The following FAM168B variants were observed in gnomAD, a reference collection of about 807,000 sequenced individuals.
FAM168B encodes the protein myelin-associated neurite-outgrowth inhibitor.
FAM168B carries 19 observed loss-of-function variants against 21.8 expected under a neutral mutation model. That is an observed-to-expected ratio of 0.87 (90% CI 0.61 to 1.28). FAM168B has a LOEUF of 1.28. Ranked by LOEUF, FAM168B falls within the 50% of genes most tolerant of loss-of-function variation. The pLI is 0.00. For synonymous variants in FAM168B, 126 were observed against 104.8 expected (o/e 1.20, Z -1.24); for missense variants, 233 against 263.1 (o/e 0.89, Z 0.79).
intron 1 of FAM168B, among the ~76,000 whole-genome samples, chr2:131,088,297 GA>G (rs1309576328): frequency 6.6e-6 from 1 of 151,878 alleles, no homozygotes; most frequent in African/African-American, 2.4e-5. Flanking sequence ...CAGTTTACAA[GA>G]AACGCAGGAG....
chr2:131,084,028 G>A (rs992259666), intron 1 of FAM168B, among the ~76,000 whole-genome samples: 5 of 149,842 alleles, frequency 3.3e-5, no homozygotes, highest in East Asian at 2.0e-4. Context: ...TCAGCCTCCC[G>A]CATAGCAGGG....
intron 2 of FAM168B, among the ~76,000 whole-genome samples, chr2:131,081,678 C>G (rs1173168334): frequency 6.6e-6 from 1 of 152,122 alleles, no homozygotes; most frequent in East Asian, 1.9e-4. Context: ...CACTCTCATT[C>G]CCTGTCGCAA....
chr2:131,093,150 GGCCGCACAAAGC>G (rs989319987), intron 1 of FAM168B, 52 bp downstream of exon 1: 3 of 150,510 alleles, frequency 2.0e-5, no homozygotes, highest in Admixed American at 1.3e-4. Context: ...GCCCCGAGCC[GGCCGCACAAAGC>G]GCCGCACTTC....
chr2:131,053,364 A>T (rs561635293), intron 5 of FAM168B, among the ~76,000 whole-genome samples: 5 of 152,360 alleles, frequency 3.3e-5, no homozygotes, highest in African/African-American at 1.2e-4. Context: ...CCTTAAGAAC[A>T]TAATTCTGAA....
intron 2 of FAM168B, among the ~76,000 whole-genome samples, chr2:131,077,281 C>T (rs996688751): frequency 4.0e-5 from 6 of 151,308 alleles, no homozygotes; most frequent in Non-Finnish European, 8.8e-5. Flanking sequence ...CCTTACAAAG[C>T]GAAGTGAGCA....
At chr2:131,053,549 G>T (rs1245006853) in intron 5 of FAM168B, among the ~76,000 whole-genome samples, 2 of 152,174 alleles carry the variant, frequency 1.3e-5, no homozygotes, top group East Asian at 3.8e-4. Flanking sequence ...ACAACAATGT[G>T]AATATACTTA....
At chr2:131,082,489 C>A in intron 2 of FAM168B, 88 bp downstream of exon 2, 2 of 872,756 alleles carry the variant, frequency 2.3e-6, no homozygotes, top group South Asian at 1.6e-5. Context: ...CTTTGAGCTG[C>A]GTTTGTCAAT....
At chr2:131,053,118 C>T (rs534073742) in intron 5 of FAM168B, 103 bp from the exon 6 acceptor site, 3 of 1,409,706 alleles carry the variant, frequency 2.1e-6, no homozygotes, top group Non-Finnish European at 2.8e-6. Flanking sequence ...GGAGGGTATA[C>T]AGGAAGAGGG....
intron 3 of FAM168B, among the ~76,000 whole-genome samples, chr2:131,059,775 A>C (rs1692200797): frequency 6.6e-6 from 1 of 152,228 alleles, no homozygotes; most frequent in Non-Finnish European, 1.5e-5. Flanking sequence ...CACTGATTAC[A>C]ATCTCAGTAG....
chr2:131,073,313 G>A (rs1257527655), intron 2 of FAM168B, among the ~76,000 whole-genome samples: 2 of 152,048 alleles, frequency 1.3e-5, no homozygotes, highest in Non-Finnish European at 2.9e-5. Flanking sequence ...GGCTGGTCTC[G>A]AACTCCTGAC....
chr2:131,085,901 TAA>T (rs1693671243), intron 1 of FAM168B, among the ~76,000 whole-genome samples: 1 of 152,234 alleles, frequency 6.6e-6, no homozygotes, highest in South Asian at 2.1e-4. Flanking sequence ...AAAGTAAGGC[TAA>T]ATGAGGCTAC....
intron 3 of FAM168B, among the ~76,000 whole-genome samples, chr2:131,059,178 T>C (rs1040979010): frequency 6.6e-6 from 1 of 152,126 alleles, no homozygotes; most frequent in Non-Finnish European, 1.5e-5. Context: ...TCAGGACAGA[T>C]CCAGCCCTCT....
chr2:131,062,984 G>A (rs1692380381), intron 3 of FAM168B, among the ~76,000 whole-genome samples: 1 of 152,220 alleles, frequency 6.6e-6, no homozygotes, highest in Admixed American at 6.5e-5. Flanking sequence ...AACTTACTCT[G>A]AAATGAAACC....
chr2:131,063,489 T>TA (rs1692405414), intron 3 of FAM168B, among the ~76,000 whole-genome samples: 1 of 152,180 alleles, frequency 6.6e-6, no homozygotes, highest in Admixed American at 6.6e-5. Flanking sequence ...ATTTAAGACT[T>TA]AGTGTGGGGC....
intron 3 of FAM168B, among the ~76,000 whole-genome samples, chr2:131,065,127 A>G (rs557725304): frequency 6.6e-6 from 1 of 152,334 alleles, no homozygotes; most frequent in East Asian, 1.9e-4. Context: ...AAGCAGTGCC[A>G]CTTTACAAAA....
At chr2:131,092,245 C>G (rs189550679) in intron 1 of FAM168B, among the ~76,000 whole-genome samples, 1 of 152,208 alleles carries the variant, frequency 6.6e-6, no homozygotes, top group East Asian at 1.9e-4. Context: ...CCAAAGTAAG[C>G]CTGCTTTGTA....
intron 3 of FAM168B, 130 bp downstream of exon 3, chr2:131,071,725 A>G: frequency 4.0e-6 from 3 of 752,090 alleles, no homozygotes; most frequent in Non-Finnish European, 6.8e-6. Context: ...ACTTATCAAC[A>G]GGCTAACTTA....
chr2:131,086,721 T>C lies in FAM168B; in HGVS notation c.-11-4064A>G, dbSNP rs140648920. On this transcript the variant is annotated intron_variant, in intron 1 of 6. Coordinates refer to ENST00000389915, the MANE Select transcript of FAM168B (RefSeq NM_001009993.4). ...TTGGACAGTGCAAACATATACATAA[T>C]AAGATTAAAAGTATGAATACTTTCT... Among the ~76,000 whole-genome samples the C allele has an allele frequency of 8.4e-3, 1,273 of 152,232 alleles. 19 individuals are homozygous for C. Among genetic ancestry groups the C allele is most frequent in the African/African-American group, 0.028 (1,178 of 41,530 alleles).
chr2:131,067,516 G>C (rs1361259360), intron 3 of FAM168B, among the ~76,000 whole-genome samples: 1 of 152,184 alleles, frequency 6.6e-6, no homozygotes. Flanking sequence ...CAAGATGAGA[G>C]GACTGCTTGT....
Sources: allele counts gnomAD v4.1 joint callset (sites outside exome capture counted in the v4.1 genomes callset), GRCh38; gene constraint gnomAD v4.1.1; transcripts MANE v1.5; gene names NCBI Gene and HGNC (gene_info 2026-07-23, HGNC 2026-07-21).